TMEM132D: variants seen among roughly 807,000 people sequenced by gnomAD.
TMEM132D encodes transmembrane protein 132D, also known as mature OL transmembrane protein.
Under a neutral mutation model 62.3 loss-of-function variants are expected in TMEM132D, and 21 were observed. That is an observed-to-expected ratio of 0.34 (90% CI 0.24 to 0.49). The LOEUF (loss-of-function observed/expected upper bound fraction) is 0.49. Among genes scored for constraint, TMEM132D ranks in the 20% least tolerant of loss-of-function variants. TMEM132D has a pLI of 0.99. For synonymous variants in TMEM132D, 621 were observed against 575.6 expected, an observed-to-expected ratio of 1.08 and a Z score of -1.13; for missense variants, 1,346 against 1,402.8, an observed-to-expected ratio of 0.96 and a Z score of 0.65.
In TMEM132D at chr12:129,144,717, C is replaced by G. The variant is rs562252567; in HGVS notation, c.1444-60015G>C. On this transcript the variant is annotated intron_variant, in intron 5 of 8. Coordinates refer to ENST00000422113, the MANE Select transcript of TMEM132D (RefSeq NM_133448.3). ...TCTATCTATCTATCTAGCGACCTACCTACTGACCTACGTATCATTCATCTA... is the reference window on the plus strand; with the variant it reads ...TCTATCTATCTATCTAGCGACCTACGTACTGACCTACGTATCATTCATCTA... 8.4e-4 allele frequency among the ~76,000 whole-genome samples: 128 copies of G among 152,270 alleles called. No individual in the cohort carries two copies. In the East Asian group the frequency reaches 0.023, roughly 27 times the overall value.
intron 5 of TMEM132D, among the ~76,000 whole-genome samples, chr12:129,115,745 C>T (rs1875872924): frequency 6.6e-6 from 1 of 152,136 alleles, no homozygotes; most frequent in Admixed American, 6.5e-5. Context: ...GCCTGTAAAG[C>T]ATACGTCACA....
chr12:129,078,143 CA>C (rs1204514459), intron 8 of TMEM132D, among the ~76,000 whole-genome samples: 1 of 152,228 alleles, frequency 6.6e-6, no homozygotes, highest in Non-Finnish European at 1.5e-5. Flanking sequence ...TCAGGCTGTG[CA>C]CCTGCTCTGA....
At chr12:129,850,239 C>G (rs1200101298) in intron 1 of TMEM132D, among the ~76,000 whole-genome samples, 1 of 152,184 alleles carries the variant, frequency 6.6e-6, no homozygotes, top group Non-Finnish European at 1.5e-5. Flanking sequence ...GAACACGTGA[C>G]TCACAGACAG....
chr12:129,166,294 G>A (rs559776601), intron 5 of TMEM132D, among the ~76,000 whole-genome samples: 44 of 52,684 alleles, frequency 8.4e-4, no homozygotes, highest in African/African-American at 2.0e-3. Context: ...GGAAGCTGGA[G>A]AACCCCTGCT....
At chr12:129,153,121 G>A (rs1166013745) in intron 5 of TMEM132D, among the ~76,000 whole-genome samples, 4 of 152,108 alleles carry the variant, frequency 2.6e-5, no homozygotes, top group Admixed American at 6.5e-5. Flanking sequence ...CATCAACACT[G>A]GCTCACATCC....
intron 4 of TMEM132D, among the ~76,000 whole-genome samples, chr12:129,301,040 C>T (rs112864721): frequency 0.026 from 3,977 of 152,222 alleles, 183 homozygotes; most frequent in African/African-American, 0.087. Context: ...TCTCTAGCCA[C>T]GACTCCAAAT....
chr12:129,901,660 C>G (rs2137403279), intron 1 of TMEM132D, among the ~76,000 whole-genome samples: 1 of 152,308 alleles, frequency 6.6e-6, no homozygotes, highest in South Asian at 2.1e-4. Flanking sequence ...AAAAAGTTCA[C>G]AAGTATTAGG....
At chr12:129,198,341 A>G (rs1023554403) in intron 5 of TMEM132D, among the ~76,000 whole-genome samples, 1 of 152,194 alleles carries the variant, frequency 6.6e-6, no homozygotes, top group African/African-American at 2.4e-5. Flanking sequence ...TGAAATTAAT[A>G]TGTGAAAGAG....
At chr12:129,529,895 GTATC>G (rs1876165548) in intron 3 of TMEM132D, among the ~76,000 whole-genome samples, 1 of 152,136 alleles carries the variant, frequency 6.6e-6, no homozygotes, top group African/African-American at 2.4e-5. Context: ...TTCAATTTGT[GTATC>G]TATAAGTTCA....
intron 5 of TMEM132D, among the ~76,000 whole-genome samples, chr12:129,199,920 C>T (rs1242307555): frequency 2.6e-5 from 4 of 152,044 alleles, no homozygotes. Context: ...GGGGACACAG[C>T]CAAACCATAT....
rs370982840 is a variant in TMEM132D at position 129,219,910 on chromosome 12, G to T, written c.1300-10247C>A. On this transcript the variant is annotated intron_variant, in intron 4 of 8. Transcript: ENST00000422113. ...TGGCCTTGCACCTTTTGGGAGCACA[G>T]TTCGCCTCTGTCTGCCATTTCCAAC... Among the ~76,000 whole-genome samples the T allele has an allele frequency of 8.5e-5, 13 of 152,316 alleles. 3 individuals are homozygous for T. Among genetic ancestry groups the T allele is most frequent in the Admixed American group, 3.3e-4 (5 of 15,294 alleles).
At chr12:129,300,791 G>C (rs1273944194) in intron 4 of TMEM132D, among the ~76,000 whole-genome samples, 2 of 152,112 alleles carry the variant, frequency 1.3e-5, no homozygotes, top group Non-Finnish European at 2.9e-5. Context: ...ATACAGAAAC[G>C]AATAATTACA....
chr12:129,849,797 C>A (rs1430801863), intron 1 of TMEM132D, among the ~76,000 whole-genome samples: 1 of 152,146 alleles, frequency 6.6e-6, no homozygotes, highest in Non-Finnish European at 1.5e-5. Flanking sequence ...TACACGATTA[C>A]ACAGATAAGG....
intron 5 of TMEM132D, among the ~76,000 whole-genome samples, chr12:129,190,174 T>C (rs1399087465): frequency 3.3e-5 from 2 of 61,178 alleles, no homozygotes; most frequent in Non-Finnish European, 6.1e-5. Flanking sequence ...AGGGAGGGAG[T>C]CTCAGGCCTG....
intron 3 of TMEM132D, among the ~76,000 whole-genome samples, chr12:129,439,524 G>A (rs1386927033): frequency 1.3e-5 from 2 of 151,854 alleles, no homozygotes; most frequent in East Asian, 3.9e-4. Context: ...ATCTCAGCTT[G>A]CTACAACCTC....
chr12:129,483,808 T>C (rs985580715), intron 3 of TMEM132D, among the ~76,000 whole-genome samples: 5 of 152,204 alleles, frequency 3.3e-5, no homozygotes, highest in African/African-American at 7.2e-5. Flanking sequence ...AGCAGAACTG[T>C]AGTGTTTCAT....
intron 2 of TMEM132D, among the ~76,000 whole-genome samples, chr12:129,690,890 C>T (rs1881047375): frequency 6.6e-6 from 1 of 152,090 alleles, no homozygotes; most frequent in Non-Finnish European, 1.5e-5. Flanking sequence ...AAGCAGAATA[C>T]ACTTTCTTCT....
At chr12:129,095,346 GTTTTTTTTTTT>G (rs34044401) in intron 5 of TMEM132D, among the ~76,000 whole-genome samples, 1 of 105,354 alleles carries the variant, frequency 9.5e-6, no homozygotes, top group African/African-American at 3.7e-5. Context: ...ATGCCTGCTG[GTTTTTTTTTTT>G]TTTTTTTTTT....
intron 3 of TMEM132D, among the ~76,000 whole-genome samples, chr12:129,409,350 G>A (rs192278759): frequency 6.6e-6 from 1 of 152,128 alleles, no homozygotes; most frequent in African/African-American, 2.4e-5. Flanking sequence ...TCTGTGTGTC[G>A]GACACTCACA....
Sources: gnomAD v4.1 joint callset for allele counts (sites outside exome capture counted in the v4.1 genomes callset) on GRCh38, gnomAD v4.1.1 for gene constraint, MANE v1.5 for transcripts, NCBI Gene and HGNC (gene_info 2026-07-23, HGNC 2026-07-21) for gene names.